ERBIN: variants seen among roughly 807,000 people sequenced by gnomAD.
The protein encoded by ERBIN is erbb2 interacting protein, also known as densin-180-like protein.
ERBIN carries 60 observed loss-of-function variants against 158.4 expected under a neutral mutation model. That is an observed-to-expected ratio of 0.38 (90% CI 0.31 to 0.47). ERBIN has a LOEUF of 0.47. Among genes scored for constraint, ERBIN ranks in the 20% least tolerant of loss-of-function variants. The probability of loss-of-function intolerance (pLI) is 0.99; values close to 1 mark genes in which losing one functional copy is unlikely to be tolerated. For missense variants in ERBIN, 1,610 were observed against 1,648.0 expected, an observed-to-expected ratio of 0.98 and a Z score of 0.40; for synonymous variants, 594 against 557.2, an observed-to-expected ratio of 1.07 and a Z score of -0.93.
intron 1 of ERBIN, among the ~76,000 whole-genome samples, chr5:65,958,932 T>C (rs1258991802): frequency 6.6e-6 from 1 of 152,188 alleles, no homozygotes; most frequent in Non-Finnish European, 1.5e-5. Context: ...AGGTTACGTG[T>C]ATTAAATGCA....
intron 1 of ERBIN, among the ~76,000 whole-genome samples, chr5:65,959,021 C>T (rs1747619865): frequency 6.6e-6 from 1 of 152,140 alleles, no homozygotes; most frequent in Non-Finnish European, 1.5e-5. Context: ...AGCATCTGTA[C>T]TTTTTCTAAG....
At chr5:66,016,873 C>T (rs1302565409) in intron 7 of ERBIN, among the ~76,000 whole-genome samples, 1 of 152,088 alleles carries the variant, frequency 6.6e-6, no homozygotes, top group African/African-American at 2.4e-5. Context: ...CCTCGGCTTC[C>T]CAGAGTGCTG....
chr5:65,954,832 G>A (rs918490176), intron 1 of ERBIN, among the ~76,000 whole-genome samples: 5 of 151,998 alleles, frequency 3.3e-5, no homozygotes, highest in Admixed American at 1.3e-4. Context: ...TTGGGAGGCC[G>A]AGGTGGGGGA....
Position 66,080,120 on chromosome 5 carries a change from T to C in ERBIN, c.*1590T>C, listed in dbSNP as rs1375435631. On this transcript the variant is annotated 3_prime_UTR_variant, in exon 26 of 26. Transcript: ENST00000284037. ...GGAATTTTTAATCTGTTATGCTTTG[T>C]TTATCAACCTTGATTTTAATTAAGA... is the stretch of plus-strand genomic sequence containing the variant. 6 of 152,488 alleles carry C rather than the reference T, an allele frequency of 3.9e-5. No homozygotes were observed. Among genetic ancestry groups the C allele is most frequent in the Non-Finnish European group, 1.5e-5 (1 of 67,996 alleles). The allele number at this position is 152,488 out of a possible 1,614,324, so 9.4% of individuals were successfully genotyped here. A position where few individuals can be genotyped will look rare whatever the true frequency, so the allele number is the denominator to read the frequency against.
chr5:65,950,398 A>G (rs1218044427), intron 1 of ERBIN, among the ~76,000 whole-genome samples: 1 of 152,184 alleles, frequency 6.6e-6, no homozygotes, highest in African/African-American at 2.4e-5. Flanking sequence ...GAATGTTTCT[A>G]AGTTTGGGTT....
At chr5:65,990,589 C>T (rs968325987) in intron 2 of ERBIN, among the ~76,000 whole-genome samples, 21 of 151,548 alleles carry the variant, frequency 1.4e-4, no homozygotes, top group African/African-American at 3.9e-4. Flanking sequence ...ACCCGGGCAG[C>T]GGAGCTTGCA....
In ERBIN at chr5:66,076,835, CA is replaced by C. The variant is rs1455669505; in HGVS notation, c.4057-39del. On this transcript the variant is annotated intron_variant, in intron 24 of 25. Coordinates refer to ENST00000284037, the MANE Select transcript of ERBIN (RefSeq NM_001253697.2). The stretch of plus-strand genomic sequence containing the variant: ...GCTCCTTGGTACTCTGTTATTTATA[CA>C]TACTGTTTTTAGTTAAATAATTTTT... 3.5e-6 allele frequency: 5 copies of C among 1,423,736 alleles called. 1 individual carries two copies. In the South Asian group the frequency reaches 6.0e-5, roughly 17 times the overall value. The allele number at this position is 1,423,736 out of a possible 1,614,324, so 88.2% of individuals were successfully genotyped here. A position where few individuals can be genotyped will look rare whatever the true frequency, so the allele number is the denominator to read the frequency against.
intron 14 of ERBIN, among the ~76,000 whole-genome samples, chr5:66,033,106 C>A (rs1035143398): frequency 7.9e-5 from 12 of 152,238 alleles, no homozygotes; most frequent in African/African-American, 2.9e-4. Context: ...TTAAAAATTT[C>A]TAACCTTCAG....
At chr5:66,055,205 C>G in intron 21 of ERBIN, 2 of 836,002 alleles carry the variant, frequency 2.4e-6, no homozygotes, top group Non-Finnish European at 3.1e-6. Context: ...GTGTCTGTCT[C>G]TTTGAGATTG....
intron 1 of ERBIN, among the ~76,000 whole-genome samples, chr5:65,959,198 T>A (rs912856084): frequency 9.9e-5 from 15 of 152,174 alleles, no homozygotes; most frequent in African/African-American, 1.7e-4. Context: ...GTTTTTTTTT[T>A]AATTGCCAAT....
chr5:65,964,243 T>C (rs1223546024), intron 1 of ERBIN, among the ~76,000 whole-genome samples: 1 of 152,258 alleles, frequency 6.6e-6, no homozygotes, highest in Non-Finnish European at 1.5e-5. Flanking sequence ...CTACATTTGC[T>C]TCAAAGCAGC....
Position 66,013,468 on chromosome 5 carries a change from A to G in ERBIN, c.387-81A>G, listed in dbSNP as rs948102716. ...CGACTGTTTTCTGTCTGTTGGGAAA[A>G]TATCTTGTGAGAGTCTTAGATTTTA... On this transcript the variant is annotated intron_variant, in intron 5 of 25. Coordinates refer to ENST00000284037, the MANE Select transcript of ERBIN (RefSeq NM_001253697.2). 4.0e-6 allele frequency: 4 copies of G among 1,008,462 alleles called. No homozygotes were observed. In the East Asian group the frequency reaches 7.1e-5, roughly 18 times the overall value. The allele number at this position is 1,008,462 out of a possible 1,614,324, so 62.5% of individuals were successfully genotyped here.
chr5:65,933,165 CTT>C (rs746475566), intron 1 of ERBIN, among the ~76,000 whole-genome samples: 7 of 152,156 alleles, frequency 4.6e-5, no homozygotes, highest in Non-Finnish European at 1.0e-4. Flanking sequence ...TTAACATTGT[CTT>C]TTGTTTATTC....
At chr5:66,012,237 T>C in intron 5 of ERBIN, 110 bp downstream of exon 5, 2 of 632,336 alleles carry the variant, frequency 3.2e-6, no homozygotes, top group Non-Finnish European at 5.2e-6. Flanking sequence ...CTTAAGTCTA[T>C]ACAAAATTTC....
chr5:65,998,894 CAAAAAAAAAAA>C (rs34966696), intron 4 of ERBIN, among the ~76,000 whole-genome samples: 16 of 69,936 alleles, frequency 2.3e-4, no homozygotes, highest in African/African-American at 2.0e-4. Context: ...GACCCTGTCT[CAAAAAAAAAAA>C]AAAAAAAAAA....
chr5:65,958,622 A>T (rs1747553032), intron 1 of ERBIN, among the ~76,000 whole-genome samples: 1 of 130,748 alleles, frequency 7.6e-6, no homozygotes, highest in Non-Finnish European at 1.6e-5. Context: ...AAGGAGAGGG[A>T]GACCGTGGGG....
At chr5:65,986,813 A>C (rs1184857276) in intron 1 of ERBIN, among the ~76,000 whole-genome samples, 5 of 152,356 alleles carry the variant, frequency 3.3e-5, no homozygotes, top group Non-Finnish European at 4.4e-5. Context: ...AAATAAGGGA[A>C]TTAGTTTTCC....
At chr5:65,992,621 CAT>C (rs1297642868) in intron 2 of ERBIN, 87 bp from the exon 3 acceptor site, 4 of 959,986 alleles carry the variant, frequency 4.2e-6, no homozygotes, top group Non-Finnish European at 6.1e-6. Context: ...TTATCTGTGA[CAT>C]ATGAATTGTG....
chr5:65,960,582 G>A (rs184162844), intron 1 of ERBIN, among the ~76,000 whole-genome samples: 193 of 152,258 alleles, frequency 1.3e-3, no homozygotes, highest in African/African-American at 4.2e-3. Context: ...CTCATGTGCC[G>A]CCAGAGTTAA....
Sources: gnomAD v4.1 joint callset for allele counts (sites outside exome capture counted in the v4.1 genomes callset) on GRCh38, gnomAD v4.1.1 for gene constraint, MANE v1.5 for transcripts, NCBI Gene and HGNC (gene_info 2026-07-23, HGNC 2026-07-21) for gene names.